The following ARHGDIG variants were observed in gnomAD, a reference collection of about 807,000 sequenced individuals.
ARHGDIG encodes the protein Rho GDP dissociation inhibitor gamma, also known as rho GDP-dissociation inhibitor 3.
Under a neutral mutation model 20.2 loss-of-function variants are expected in ARHGDIG, and 14 were observed. The observed-to-expected ratio is 0.69, with a 90% CI of 0.46 to 1.08. ARHGDIG has a LOEUF of 1.08. Among genes scored for constraint, ARHGDIG ranks in the 50% least tolerant of loss-of-function variants. The pLI is 0.00. For synonymous variants in ARHGDIG, 193 were observed against 138.6 expected (o/e 1.39, Z -2.76); for missense variants, 311 against 301.8 (o/e 1.03, Z -0.23).
Position 281,764 on chromosome 16 carries a change from A to G in ARHGDIG, c.92A>G (p.Glu31Gly), listed in dbSNP as rs1228707199. ...CCCCCAGTCCTCCTGGCTGACAAGG[A>G]GGGTGGGCCGCCGGCAGTGGACGAG... ...LCARVLLADK[E>G]GGPPAVDEVL... The change falls in exon 2 of 6, where the codon GAG becomes GGG. Residue 31 changes from glutamate (E) to glycine (G), a missense_variant. Glu to Gly is a moderately conservative substitution (Grantham distance 98, BLOSUM62 -2). Coordinates refer to ENST00000219409, the MANE Select transcript of ARHGDIG (RefSeq NM_001176.4). 8 of 1,599,022 alleles carry G rather than the reference A, an allele frequency of 5.0e-6. No individual in the cohort carries two copies. The African/African-American group carries it at 8.1e-5, about 16-fold the overall frequency.
Position 282,737 on chromosome 16 carries a change from C to G in ARHGDIG, c.601C>G (p.Leu201Val), listed in dbSNP as rs1308855135. 1.9e-6 allele frequency: 3 copies of G among 1,606,420 alleles called. No individual in the cohort carries two copies. Among genetic ancestry groups the G allele is most frequent in the East Asian group, 4.5e-5 (2 of 44,766 alleles). Residue 201 changes from leucine to valine, a missense_variant, in exon 6 of 6, where the codon CTC (leucine) becomes GTC (valine). Physicochemically the swap from Leu to Val is conservative, Grantham distance 32 (BLOSUM62 1). Coordinates refer to ENST00000219409, the MANE Select transcript of ARHGDIG (RefSeq NM_001176.4). Reference sequence around the variant, plus strand: ...GCGGGGCCCCTATCTGGTGGTGTCCCTCTTCACCGACGATGACAGGACGCA... The same window carrying G: ...GCGGGGCCCCTATCTGGTGGTGTCCGTCTTCACCGACGATGACAGGACGCA... Reference protein sequence around the residue: ...LVRGPYLVVSLFTDDDRTHHL... With the variant: ...LVRGPYLVVSVFTDDDRTHHL...
At chr16:281,430 TGG>T (rs1314665079) in intron 1 of ARHGDIG, 4 of 299,550 alleles carry the variant, frequency 1.3e-5, no homozygotes, top group South Asian at 6.3e-5. Flanking sequence ...CCCCTGACCC[TGG>T]GCTGCCCTCA....
At position 282,784 on chromosome 16, in the gene ARHGDIG, T is replaced by A; in HGVS notation, c.648T>A (p.Gly216=). The change falls in exon 6 of 6, where the codon GGT becomes GGA. Residue 216 remains glycine, a synonymous_variant. Transcript: ENST00000219409. ...CGCACCACCTGTCCTGGGAGTGGGG[T>A]CTCTGCATCTGCCAGGACTGGAAGG... ...DRTHHLSWEW[G]LCICQDWKD is the part of the protein sequence containing the mutation. 1 of 1,607,406 alleles carries A rather than the reference T, an allele frequency of 6.2e-7. No homozygotes were observed. The highest frequency in any genetic ancestry group is 1.3e-5 in the African/African-American group (1 of 74,796).
rs746482632 is a variant in ARHGDIG, at chr16:282,572, G to A, written c.478+42G>A. 3.6e-5 allele frequency: 56 copies of A among 1,553,702 alleles called. 1 individual carries two copies. The Admixed American group carries it at 4.0e-4, about 11-fold the overall frequency. ...GGGGAACGGGGCGGGGGGGGGAAGCGGGGGCAGACAGAGGACAGCTCTGAT... is the reference window on the plus strand; with the variant it reads ...GGGGAACGGGGCGGGGGGGGGAAGCAGGGGCAGACAGAGGACAGCTCTGAT... On this transcript the variant is annotated intron_variant, in intron 5 of 5. Transcript: ENST00000219409.
intron 5 of ARHGDIG, 28 bp downstream of exon 5, chr16:282,558 C>CGGGGGGGGGAAAGGGGG: frequency 2.3e-6 from 3 of 1,310,078 alleles, no homozygotes; most frequent in Non-Finnish European, 3.0e-6. Flanking sequence ...GGGAACGGGG[C>CGGGGGGGGGAAAGGGGG]GGGGGGGGGA....
chr16:282,184 C>G (rs2052293210), intron 3 of ARHGDIG, 76 bp downstream of exon 3: 1 of 1,605,342 alleles, frequency 6.2e-7, no homozygotes, highest in South Asian at 1.1e-5. Context: ...GAGTTCCGAG[C>G]CCTGGGCCAT....
chr16:281,920 C>T lies in ARHGDIG; in HGVS notation c.248C>T (p.Ala83Val). The T allele has an allele frequency of 6.2e-7, 1 of 1,604,378 alleles. No homozygotes were observed. Among genetic ancestry groups the T allele is most frequent in the Non-Finnish European group, 8.5e-7 (1 of 1,178,010 alleles). Residue 83 changes from alanine (A) to valine (V), a missense_variant, in exon 2 of 6, where the codon GCC (alanine) becomes GTC (valine). Coordinates refer to ENST00000219409, the MANE Select transcript of ARHGDIG (RefSeq NM_001176.4). Reference sequence around the variant, plus strand: ...GTGCTGCTGGGGCCCCTGCCACCGGCCGTGGGTATGGCAGGGGTCTAGGCT... The same window carrying T: ...GTGCTGCTGGGGCCCCTGCCACCGGTCGTGGGTATGGCAGGGGTCTAGGCT... ...KRVLLGPLPP[A>V]VDPSLPNVQV... is the part of the protein sequence containing the mutation.
rs909143275 is a variant in ARHGDIG at position 282,115 on chromosome 16, C to T, written c.337+7C>T. On this transcript the variant is annotated splice_region_variant and intron_variant, in intron 3 of 5. Coordinates refer to ENST00000219409, the MANE Select transcript of ARHGDIG (RefSeq NM_001176.4). ...GTCGTCATGGATCTCACAGGTAACTCGCAGGATGCTGCACCCTGAACACAG... is the reference window on the plus strand; with the variant it reads ...GTCGTCATGGATCTCACAGGTAACTTGCAGGATGCTGCACCCTGAACACAG... 11 of 1,612,716 alleles carry T rather than the reference C, an allele frequency of 6.8e-6. No individual in the cohort carries two copies. Among genetic ancestry groups the T allele is most frequent in the South Asian group, 2.2e-5 (2 of 91,080 alleles).
At chr16:281,400 C>CCTAGAGGGTCAGTAGGTTTG (rs1567247532) in intron 1 of ARHGDIG, 1 of 235,350 alleles carries the variant, frequency 4.2e-6, no homozygotes, top group African/African-American at 2.3e-5. Context: ...CGCCGAGGGC[C>CCTAGAGGGTCAGTAGGTTTG]GCTGCTCTCT....
At position 280,759 on chromosome 16, in the gene ARHGDIG, C is replaced by T. The variant is rs1596934413; in HGVS notation, c.73+6C>T. The T allele has an allele frequency of 5.5e-6, 7 of 1,276,962 alleles. No homozygotes were observed. In the South Asian group the frequency reaches 6.5e-5, roughly 12 times the overall value. 79.1% of individuals were successfully genotyped at this position (1,276,962 alleles called of 1,614,324 possible). The stretch of plus-strand genomic sequence containing the variant: ...GCTGGCGCTGTGCGCCCGAGGTGAG[C>T]GGGCCGGGCAGGGGCGGGGGGCTCG... On this transcript the variant is annotated splice_donor_region_variant and intron_variant, in intron 1 of 5. Coordinates refer to ENST00000219409, the MANE Select transcript of ARHGDIG (RefSeq NM_001176.4). The surrounding 1 kb of genome is among the most constrained non-coding windows in gnomAD (Gnocchi z 6.6).
At position 281,930 on chromosome 16, in the gene ARHGDIG, G is replaced by T; in HGVS notation, c.253+5G>T. The T allele has an allele frequency of 6.2e-7, 1 of 1,603,952 alleles. No individual in the cohort carries two copies. The highest frequency in any genetic ancestry group is 8.5e-7 in the Non-Finnish European group (1 of 1,177,874). The stretch of plus-strand genomic sequence containing the variant: ...GGCCCCTGCCACCGGCCGTGGGTAT[G>T]GCAGGGGTCTAGGCTTGGAGGGCTG... On this transcript the variant is annotated splice_donor_5th_base_variant and intron_variant, in intron 2 of 5. Coordinates refer to ENST00000219409, the MANE Select transcript of ARHGDIG (RefSeq NM_001176.4).
In ARHGDIG at chr16:281,916, C is replaced by G; in HGVS notation, c.244C>G (p.Pro82Ala). ...YKRVLLGPLP[P>A]AVDPSLPNVQ... is the part of the protein sequence containing the mutation. ...GCGGGTGCTGCTGGGGCCCCTGCCACCGGCCGTGGGTATGGCAGGGGTCTA... is the reference window on the plus strand; with the variant it reads ...GCGGGTGCTGCTGGGGCCCCTGCCAGCGGCCGTGGGTATGGCAGGGGTCTA... Residue 82 changes from proline to alanine, a missense_variant, in exon 2 of 6, where the codon CCG becomes GCG. Coordinates refer to ENST00000219409, the MANE Select transcript of ARHGDIG (RefSeq NM_001176.4). 1 of 1,604,916 alleles carries G rather than the reference C, an allele frequency of 6.2e-7. No homozygotes were observed. Among genetic ancestry groups the G allele is most frequent in the Non-Finnish European group, 8.5e-7 (1 of 1,178,180 alleles).
At chr16:282,139 A>G (rs752164615) in intron 3 of ARHGDIG, 31 bp downstream of exon 3, 2 of 1,612,094 alleles carry the variant, frequency 1.2e-6, no homozygotes, top group South Asian at 1.1e-5. Context: ...CCCTGAACAC[A>G]GGTAGGGCCC....
At position 282,438 on chromosome 16, in the gene ARHGDIG, A is replaced by G. The variant is rs202008361; in HGVS notation, c.415-29A>G. 1.4e-3 allele frequency: 2,212 copies of G among 1,612,144 alleles called. 15 individuals are homozygous for G. The East Asian group carries it at 0.014, about 10-fold the overall frequency. ...GGCAACAGCCAGAGGCCTGGCCCCC[A>G]GAGGAACCCCTAATGCCTCTGTTCC... On this transcript the variant is annotated intron_variant, in intron 4 of 5. Coordinates refer to ENST00000219409, the MANE Select transcript of ARHGDIG (RefSeq NM_001176.4).
intron 5 of ARHGDIG, 37 bp downstream of exon 5, chr16:282,567 G>GGGCCCGGGGGGGGGGGGGCC: frequency 1.0e-6 from 1 of 957,418 alleles, no homozygotes; most frequent in Non-Finnish European, 1.5e-6. Context: ...GCGGGGGGGG[G>GGGCCCGGGGGGGGGGGGGCC]AAGCGGGGGC....
chr16:282,594 T>C (rs1189752256), intron 5 of ARHGDIG, 21 bp from the exon 6 acceptor site: 1 of 1,577,038 alleles, frequency 6.3e-7, no homozygotes, highest in Non-Finnish European at 8.6e-7. Context: ...AGGACAGCTC[T>C]GATGCCCTCG....
At position 281,867 on chromosome 16, in the gene ARHGDIG, C is replaced by T. The variant is rs149498191; in HGVS notation, c.195C>T (p.Asp65=). 7,646 of 1,610,856 alleles carry T rather than the reference C, an allele frequency of 4.7e-3. 60 individuals carry two copies. Among genetic ancestry groups the T allele is most frequent in the South Asian group, 0.011 (1,023 of 91,072 alleles). The change falls in exon 2 of 6, where the codon GAC becomes GAT. Residue 65 remains aspartate, a synonymous_variant. Coordinates refer to ENST00000219409, the MANE Select transcript of ARHGDIG (RefSeq NM_001176.4). ...SLLEIRQLDP[D]DRSLAKYKRV... ...TGGAGATCCGGCAGCTGGACCCGGA[C>T]GACAGGAGCCTGGCCAAGTACAAGC...
At chr16:281,622 C>T in intron 1 of ARHGDIG, 124 bp from the exon 2 acceptor site, 1 of 1,193,002 alleles carries the variant, frequency 8.4e-7, no homozygotes, top group Non-Finnish European at 1.1e-6. Flanking sequence ...CCCTGAGCCC[C>T]CAGAGGCTTC....
chr16:282,558 C>CGGGGGGGGGGGAGAGGGGGGG, intron 5 of ARHGDIG, 28 bp downstream of exon 5: 1 of 1,310,078 alleles, frequency 7.6e-7, no homozygotes, highest in Admixed American at 2.5e-5. Context: ...GGGAACGGGG[C>CGGGGGGGGGGGAGAGGGGGGG]GGGGGGGGGA....
Sources: allele counts gnomAD v4.1 joint callset, GRCh38; gene constraint gnomAD v4.1.1; non-coding constraint Gnocchi (gnomAD v3.1); transcripts MANE v1.5; gene names NCBI Gene and HGNC (gene_info 2026-07-23, HGNC 2026-07-21).